Variants in MYO16 observed in about 807,000 individuals in gnomAD.
MYO16 encodes the protein myosin XVI.
MYO16 carries 94 observed loss-of-function variants against 205.3 expected under a neutral mutation model. The observed-to-expected ratio is 0.46, with a 90% CI of 0.39 to 0.54. The LOEUF is 0.54. Ranked by LOEUF, MYO16 falls within the 20% of genes least tolerant of loss-of-function variation. The probability of loss-of-function intolerance (pLI) is 0.00; values close to 1 mark genes in which losing one functional copy is unlikely to be tolerated. For synonymous variants in MYO16, 988 were observed against 954.0 expected (o/e 1.04, Z -0.66); for missense variants, 2,315 against 2,387.5 (o/e 0.97, Z 0.63).
chr13:108,886,126 T>C (rs1303814336), intron 13 of MYO16, among the ~76,000 whole-genome samples: 1 of 152,128 alleles, frequency 6.6e-6, no homozygotes, highest in Admixed American at 6.5e-5. Context: ...TAGCTGGGAC[T>C]ACAGGCGCCC....
chr13:108,771,345 C>CT (rs1450884918), intron 4 of MYO16, among the ~76,000 whole-genome samples: 3 of 152,068 alleles, frequency 2.0e-5, no homozygotes, highest in Non-Finnish European at 2.9e-5. Flanking sequence ...TTTATTTAGA[C>CT]TTTTTTTAGA....
chr13:108,757,463 A>C (rs1005966843), intron 4 of MYO16, among the ~76,000 whole-genome samples: 1 of 151,728 alleles, frequency 6.6e-6, no homozygotes, highest in African/African-American at 2.4e-5. Context: ...TGTTTTTATG[A>C]CCAAGCTAGT....
intron 5 of MYO16, 63 bp downstream of exon 5, chr13:108,785,806 A>G (rs1450127593): frequency 9.3e-7 from 1 of 1,076,942 alleles, no homozygotes; most frequent in Admixed American, 2.1e-5. Context: ...GTGTGTATTC[A>G]TTTTCACAGG....
At chr13:108,897,442 C>T (rs1189614522) in intron 14 of MYO16, among the ~76,000 whole-genome samples, 1 of 152,154 alleles carries the variant, frequency 6.6e-6, no homozygotes, top group African/African-American at 2.4e-5. Context: ...CATGGCAGCT[C>T]AGCTGGGAGT....
intron 28 of MYO16, among the ~76,000 whole-genome samples, chr13:109,108,055 T>G (rs1889174570): frequency 1.3e-5 from 2 of 152,284 alleles, no homozygotes; most frequent in South Asian, 4.1e-4. Flanking sequence ...TTGGTGCGTA[T>G]TCATTCACTT....
intron 4 of MYO16, among the ~76,000 whole-genome samples, chr13:108,744,196 T>G (rs1884991448): frequency 6.6e-6 from 1 of 152,236 alleles, no homozygotes; most frequent in Non-Finnish European, 1.5e-5. Flanking sequence ...GTTTTCAGGC[T>G]TGAATGACTT....
At chr13:108,539,715 G>T in the MYO16 span, among the ~76,000 whole-genome samples, 2 of 152,086 alleles carry the variant, frequency 1.3e-5, no homozygotes, top group African/African-American at 4.8e-5. Context: ...GAAGATCCAT[G>T]GAGCTTAGGT....
chr13:108,894,783 C>T (rs563865647), intron 14 of MYO16, among the ~76,000 whole-genome samples: 31 of 152,300 alleles, frequency 2.0e-4, no homozygotes, highest in Admixed American at 8.5e-4. Context: ...TCACCACAGA[C>T]ATGGCTTTGT....
Position 109,100,900 on chromosome 13 carries a change from C to T in MYO16, c.3438+13C>T, listed in dbSNP as rs1204452852. ...ACAAGGCTGGCAGGTTGGTGACCTA[C>T]AAGCTATGAAAATAACATTTTAGGA... On this transcript the variant is annotated intron_variant, in intron 28 of 34. Coordinates refer to ENST00000457511, the MANE Select transcript of MYO16 (RefSeq NM_001198950.3). 1 of 1,599,746 alleles carries T rather than the reference C, an allele frequency of 6.3e-7. No individual in the cohort carries two copies. The highest frequency in any genetic ancestry group is 1.3e-5 in the African/African-American group (1 of 74,674).
chr13:109,158,199 G>T (rs990384990), intron 32 of MYO16, among the ~76,000 whole-genome samples: 2 of 152,062 alleles, frequency 1.3e-5, no homozygotes, highest in Non-Finnish European at 2.9e-5. Flanking sequence ...GTTCTGCCAG[G>T]TTTCTTGTCA....
intron 1 of MYO16, among the ~76,000 whole-genome samples, chr13:108,603,012 A>G (rs1193308762): frequency 1.3e-5 from 2 of 152,244 alleles, no homozygotes; most frequent in Non-Finnish European, 2.9e-5. Context: ...GAAGTGAAAT[A>G]ATGAGCCTAT....
At position 109,140,818 on chromosome 13, in the gene MYO16, C is replaced by A; in HGVS notation, c.4606C>A (p.Leu1536Met). The A allele has an allele frequency of 6.3e-7, 1 of 1,592,746 alleles. No homozygotes were observed. Among genetic ancestry groups the A allele is most frequent in the Admixed American group, 1.7e-5 (1 of 58,260 alleles). Residue 1536 changes from leucine (L) to methionine (M), a missense_variant, in exon 32 of 35, where the codon CTG (leucine) becomes ATG (methionine). By Grantham distance (15) the Leu-to-Met change is conservative (BLOSUM62 2). Coordinates refer to ENST00000457511, the MANE Select transcript of MYO16 (RefSeq NM_001198950.3). The surrounding 1 kb of genome is among the most constrained non-coding windows in gnomAD (Gnocchi z 8.0). Reference protein sequence around the residue: ...PASDESPLTPLEVKKLPVLET... With the variant: ...PASDESPLTPMEVKKLPVLET... Reference sequence around the variant, plus strand: ...CTCCGACGAGTCGCCCCTGACACCCCTGGAGGTGAAGAAGCTGCCAGTCCT... The same window carrying A: ...CTCCGACGAGTCGCCCCTGACACCCATGGAGGTGAAGAAGCTGCCAGTCCT...
chr13:108,541,798 A>C, the MYO16 span, among the ~76,000 whole-genome samples: 1 of 152,158 alleles, frequency 6.6e-6, no homozygotes, highest in African/African-American at 2.4e-5. Flanking sequence ...TGTTATTAAA[A>C]AGTCAAAAAA....
At chr13:108,786,238 A>G (rs187135238) in intron 5 of MYO16, among the ~76,000 whole-genome samples, 14 of 152,352 alleles carry the variant, frequency 9.2e-5, no homozygotes, top group African/African-American at 3.1e-4. Context: ...TCATCAGAAG[A>G]AAGCCCTATG....
chr13:108,984,420 A>G (rs1477258749), intron 20 of MYO16, among the ~76,000 whole-genome samples: 1 of 152,094 alleles, frequency 6.6e-6, no homozygotes, highest in Non-Finnish European at 1.5e-5. Context: ...ATCCGCATAC[A>G]TTTGCCGTGG....
chr13:108,592,196 T>G (rs914108541), upstream of MYO16, among the ~76,000 whole-genome samples: 2 of 2,116 alleles, frequency 9.5e-4, no homozygotes, highest in South Asian at 0.016. Flanking sequence ...TGGAGGGGTG[T>G]GGGGGGTTAT....
chr13:108,537,006 T>C, the MYO16 span, among the ~76,000 whole-genome samples: 1 of 152,266 alleles, frequency 6.6e-6, no homozygotes, highest in Admixed American at 6.5e-5. Flanking sequence ...AGTGCACATG[T>C]GCAGTTTTCT....
At chr13:108,943,646 T>A (rs1882821512) in intron 16 of MYO16, among the ~76,000 whole-genome samples, 1 of 152,118 alleles carries the variant, frequency 6.6e-6, no homozygotes, top group South Asian at 2.1e-4. Flanking sequence ...AGATGAGGTT[T>A]CACCATGTTG....
chr13:108,823,087 C>G (rs1381650934), intron 8 of MYO16, 38 bp from the exon 9 acceptor site: 10 of 1,554,958 alleles, frequency 6.4e-6, no homozygotes, highest in Non-Finnish European at 8.8e-6. Context: ...CTATCACCAC[C>G]CATCATTTTT....
Sources: allele counts gnomAD v4.1 joint callset (sites outside exome capture counted in the v4.1 genomes callset), GRCh38; gene constraint gnomAD v4.1.1; non-coding constraint Gnocchi (gnomAD v3.1); transcripts MANE v1.5; gene names NCBI Gene and HGNC (gene_info 2026-07-23, HGNC 2026-07-21).